NPAS3: variants seen among roughly 807,000 people sequenced by gnomAD.
NPAS3 encodes the protein neuronal PAS domain protein 3, also known as neuronal PAS domain-containing protein 3.
NPAS3 carries 14 observed loss-of-function variants against 73.1 expected under a neutral mutation model. That is an observed-to-expected ratio of 0.19 (90% CI 0.13 to 0.30). The LOEUF is 0.30. Among genes scored for constraint, NPAS3 ranks in the 10% least tolerant of loss-of-function variants. The pLI is 1.00. For synonymous variants in NPAS3, 620 were observed against 541.5 expected (o/e 1.14, Z -2.01); for missense variants, 1,096 against 1,250.0 (o/e 0.88, Z 1.86).
At chr14:32,937,601 C>T (rs1391402111), upstream of NPAS3, among the ~76,000 whole-genome samples, 1 of 152,222 alleles carries the variant, frequency 6.6e-6, no homozygotes, top group Non-Finnish European at 1.5e-5. Context: ...GCAGATTAAA[C>T]ACCTCTACCA....
At chr14:33,305,971 G>C (rs1037820070) in intron 3 of NPAS3, among the ~76,000 whole-genome samples, 3 of 152,168 alleles carry the variant, frequency 2.0e-5, no homozygotes, top group Non-Finnish European at 4.4e-5. Context: ...TGACCTAGGA[G>C]TAGGGTAGGA....
At position 32,971,936 on chromosome 14, in the gene NPAS3, C is replaced by CTTT. The variant is rs66998179; in HGVS notation, c.50+32589_50+32591dup. Among the ~76,000 whole-genome samples, 569 of 112,896 alleles carry CTTT rather than the reference C, an allele frequency of 5.0e-3. 13 individuals are homozygous for CTTT. The highest frequency in any genetic ancestry group is 0.022 in the East Asian group (87 of 3,892). 74.1% of individuals were successfully genotyped at this position (112,896 alleles called of 152,430 possible). ...AGATATCTATTAAATCAGTGGGACT[C>CTTT]TTTTTTTTTTTTTTTTTTTTTGAGA... On this transcript the variant is annotated intron_variant, in intron 1 of 11. Transcript: ENST00000356141.
intron 5 of NPAS3, among the ~76,000 whole-genome samples, chr14:33,647,635 C>T (rs1468215190): frequency 2.6e-5 from 4 of 152,100 alleles, no homozygotes; most frequent in South Asian, 2.1e-4. Flanking sequence ...CCCTCTGACT[C>T]GGCATCACTT....
At chr14:32,936,796 C>A (rs749501936), upstream of NPAS3, among the ~76,000 whole-genome samples, 11 of 152,186 alleles carry the variant, frequency 7.2e-5, no homozygotes, top group African/African-American at 2.2e-4. Flanking sequence ...TCCCTCAAGG[C>A]AGGAGCACCA....
chr14:33,642,287 T>A (rs2058695384), intron 5 of NPAS3, among the ~76,000 whole-genome samples: 1 of 152,146 alleles, frequency 6.6e-6, no homozygotes, highest in Non-Finnish European at 1.5e-5. Context: ...TCCCCCAGAT[T>A]AATATTAAAC....
intron 3 of NPAS3, among the ~76,000 whole-genome samples, chr14:33,284,418 C>T (rs2041775162): frequency 6.6e-6 from 1 of 151,942 alleles, no homozygotes; most frequent in African/African-American, 2.4e-5. Flanking sequence ...CCCAGAAATG[C>T]ATTACACAGA....
At chr14:33,146,437 G>A (rs199941880) in intron 2 of NPAS3, among the ~76,000 whole-genome samples, 1 of 152,208 alleles carries the variant, frequency 6.6e-6, no homozygotes, top group East Asian at 1.9e-4. Flanking sequence ...CTTAGGCCTA[G>A]GATGGCACTT....
chr14:32,960,935 G>T lies in NPAS3; in HGVS notation c.50+21569G>T, dbSNP rs138887447. On this transcript the variant is annotated intron_variant, in intron 1 of 11. Coordinates refer to ENST00000356141, the Ensembl canonical transcript of NPAS3. ...TAAACATGTTCACTAACCTCTGGAAGTATTTAGAGAAATGTTTGTGCAGCT... is the reference window on the plus strand; with the variant it reads ...TAAACATGTTCACTAACCTCTGGAATTATTTAGAGAAATGTTTGTGCAGCT... Among the ~76,000 whole-genome samples, 57 of 152,312 alleles carry T rather than the reference G, an allele frequency of 3.7e-4. 1 individual carries two copies. Among genetic ancestry groups the T allele is most frequent in the African/African-American group, 1.3e-3 (54 of 41,562 alleles).
intron 5 of NPAS3, among the ~76,000 whole-genome samples, chr14:33,607,856 G>A (rs554957243): frequency 6.6e-6 from 1 of 152,258 alleles, no homozygotes; most frequent in African/African-American, 2.4e-5. Context: ...CGTCCTTCAC[G>A]TGGCAGCTGC....
intron 4 of NPAS3, among the ~76,000 whole-genome samples, chr14:33,379,556 G>A (rs1419060219): frequency 2.0e-5 from 3 of 152,106 alleles, no homozygotes; most frequent in Non-Finnish European, 4.4e-5. Context: ...GGAATGACGT[G>A]GAATAGGGTG....
chr14:33,297,782 T>G (rs569362492), intron 3 of NPAS3, among the ~76,000 whole-genome samples: 70 of 152,338 alleles, frequency 4.6e-4, no homozygotes, highest in African/African-American at 1.6e-3. Flanking sequence ...CTGAGCTCGC[T>G]AGTTCACTGG....
intron 4 of NPAS3, among the ~76,000 whole-genome samples, chr14:33,470,547 G>A (rs948991705): frequency 6.6e-6 from 1 of 152,222 alleles, no homozygotes; most frequent in Admixed American, 6.5e-5. Flanking sequence ...AATAGGGGAG[G>A]AAACCTTCTA....
chr14:33,570,107 C>G (rs1295113977), intron 5 of NPAS3, among the ~76,000 whole-genome samples: 2 of 151,994 alleles, frequency 1.3e-5, no homozygotes, highest in Non-Finnish European at 2.9e-5. Context: ...TCTACAAAAT[C>G]AAAAGGGAGT....
chr14:33,168,877 G>A (rs1566633141), intron 2 of NPAS3, among the ~76,000 whole-genome samples: 1 of 152,214 alleles, frequency 6.6e-6, no homozygotes, highest in Non-Finnish European at 1.5e-5. Flanking sequence ...CTTTCTCAAA[G>A]AGGATTTTGG....
chr14:33,152,105 C>T (rs1207430905), intron 2 of NPAS3, among the ~76,000 whole-genome samples: 1 of 151,992 alleles, frequency 6.6e-6, no homozygotes, highest in East Asian at 1.9e-4. Context: ...GGGGTCTTCT[C>T]CTTGTATCTA....
intron 3 of NPAS3, among the ~76,000 whole-genome samples, chr14:33,270,936 A>G (rs2140010231): frequency 6.6e-6 from 1 of 152,302 alleles, no homozygotes; most frequent in South Asian, 2.1e-4. Context: ...CCTCCCCTTC[A>G]CCCTCTGAAT....
chr14:32,956,616 C>T (rs139061523), intron 1 of NPAS3, among the ~76,000 whole-genome samples: 130 of 152,270 alleles, frequency 8.5e-4, no homozygotes, highest in Non-Finnish European at 1.1e-3. Flanking sequence ...TTACTCTGGA[C>T]ATAGCTTACT....
At chr14:33,133,509 C>T (rs191656538) in intron 2 of NPAS3, among the ~76,000 whole-genome samples, 1 of 152,254 alleles carries the variant, frequency 6.6e-6, no homozygotes, top group Admixed American at 6.5e-5. Flanking sequence ...AACTTCCCAA[C>T]TAAACTCTAA....
At chr14:33,243,093 A>G (rs1034809407) in intron 3 of NPAS3, among the ~76,000 whole-genome samples, 1 of 152,130 alleles carries the variant, frequency 6.6e-6, no homozygotes, top group Admixed American at 6.6e-5. Context: ...AGTTACAGAG[A>G]AAGGTTAAGT....
Sources: gnomAD v4.1 joint callset for allele counts (sites outside exome capture counted in the v4.1 genomes callset) on GRCh38, gnomAD v4.1.1 for gene constraint, MANE v1.5 for transcripts, NCBI Gene and HGNC (gene_info 2026-07-23, HGNC 2026-07-21) for gene names.